Variants in YTHDC1 observed in about 807,000 individuals in gnomAD.
YTHDC1 encodes YTH domain-containing protein 1.
YTHDC1 carries 12 observed loss-of-function variants against 107.0 expected under a neutral mutation model. That is an observed-to-expected ratio of 0.11 (90% CI 0.07 to 0.18). YTHDC1 has a LOEUF of 0.18. YTHDC1 is among the 10% of genes least tolerant of loss of function. YTHDC1 has a pLI of 1.00. For missense variants in YTHDC1, 635 were observed against 898.8 expected (o/e 0.71, Z 3.75); for synonymous variants, 280 against 289.5 (o/e 0.97, Z 0.33).
At chr4:68,339,887 C>G (rs1724626255) in intron 1 of YTHDC1, among the ~76,000 whole-genome samples, 1 of 152,112 alleles carries the variant, frequency 6.6e-6, no homozygotes, top group Non-Finnish European at 1.5e-5. Context: ...CAGTTTTGTC[C>G]CCACTTCTAC....
intron 15 of YTHDC1, among the ~76,000 whole-genome samples, chr4:68,317,792 GAT>G (rs547192862): frequency 1.2e-4 from 18 of 152,142 alleles, no homozygotes; most frequent in Non-Finnish European, 2.4e-4. Flanking sequence ...CATTCACCAT[GAT>G]ATAATCAGAA....
chr4:68,338,462 G>A, intron 1 of YTHDC1, 78 bp from the exon 2 acceptor site: 2 of 1,007,432 alleles, frequency 2.0e-6, no homozygotes, highest in South Asian at 3.3e-5. Context: ...CTAAGTGTGA[G>A]GCCACAAGCG....
chr4:68,337,289 T>C lies in YTHDC1; in HGVS notation c.621A>G (p.Glu207=). 2 of 1,613,376 alleles carry C rather than the reference T, an allele frequency of 1.2e-6. No homozygotes were observed. The highest frequency in any genetic ancestry group is 2.2e-5 in the South Asian group (2 of 90,992). ...NTENEEEGVE[E]DVEEDEEVEE... is the part of the protein sequence containing the mutation. ...CTACTTCTTCATCTTCCTCCACATC[T>C]TCTTCCACTCCTTCCTCCTCATTCT... The change falls in exon 4 of 17, where the codon GAA becomes GAG. Residue 207 remains glutamate, a synonymous_variant. Coordinates refer to ENST00000344157, the MANE Select transcript of YTHDC1 (RefSeq NM_001031732.4).
At chr4:68,336,936 TCTC>T (rs1287818524) in intron 4 of YTHDC1, 88 bp downstream of exon 4, 151 of 1,465,038 alleles carry the variant, frequency 1.0e-4, no homozygotes, top group Non-Finnish European at 1.3e-4. Context: ...ATATCCCCCA[TCTC>T]CTCAACAATT....
chr4:68,327,438 T>A (rs538465460), intron 9 of YTHDC1, among the ~76,000 whole-genome samples: 6 of 152,060 alleles, frequency 3.9e-5, no homozygotes, highest in African/African-American at 1.4e-4. Context: ...CTTTATCAGC[T>A]AAAACATGAC....
At chr4:68,334,735 T>C (rs1292263527) in intron 4 of YTHDC1, among the ~76,000 whole-genome samples, 1 of 152,092 alleles carries the variant, frequency 6.6e-6, no homozygotes, top group Non-Finnish European at 1.5e-5. Flanking sequence ...TCCAAAGTAC[T>C]AAAAAGGGCC....
chr4:68,338,207 A>G, intron 2 of YTHDC1, 76 bp downstream of exon 2: 1 of 1,401,770 alleles, frequency 7.1e-7, no homozygotes, highest in South Asian at 1.3e-5. Flanking sequence ...AAAAAAGCAC[A>G]GTCATTTTTT....
At chr4:68,330,465 T>C (rs1039396204) in intron 7 of YTHDC1, among the ~76,000 whole-genome samples, 155 bp from the exon 8 acceptor site, 5 of 152,106 alleles carry the variant, frequency 3.3e-5, no homozygotes, top group African/African-American at 1.2e-4. Context: ...CAGAATAACG[T>C]AGTAATAATT....
chr4:68,318,548 T>C lies in YTHDC1; in HGVS notation c.1795A>G (p.Met599Val). 2 of 1,613,060 alleles carry C rather than the reference T, an allele frequency of 1.2e-6. No homozygotes were observed. Residue 599 changes from methionine to valine, a missense_variant, in exon 15 of 17, where the codon ATG becomes GTG. Around this residue, in one of 5 missense-constraint regions of YTHDC1, gnomAD observed 256 missense variants for 372.9 expected, o/e 0.69. Coordinates refer to ENST00000344157, the MANE Select transcript of YTHDC1 (RefSeq NM_001031732.4). Reference sequence around the variant, plus strand: ...CCTTGCCAAGGTGGTGGTGGTCCCATGTTATGAAATTCCCTCACATAATCA... The same window carrying C: ...CCTTGCCAAGGTGGTGGTGGTCCCACGTTATGAAATTCCCTCACATAATCA... ...YNDYVREFHNMGPPPPWQGMP... is the reference protein window; with the variant it reads ...YNDYVREFHNVGPPPPWQGMP...
In YTHDC1 at chr4:68,310,586, T is replaced by C. The variant is rs1361240302; in HGVS notation, c.*3513A>G. ...TTGCTTATACTCTAAGGATTCCTAT[T>C]CCTACTATAAGGAACTTGGGGACTA... On this transcript the variant is annotated 3_prime_UTR_variant, in exon 17 of 17. Transcript: ENST00000344157. 6.6e-6 allele frequency: 1 copy of C among 152,226 alleles called. No individual in the cohort carries two copies. Among genetic ancestry groups the C allele is most frequent in the Non-Finnish European group, 1.5e-5 (1 of 68,028 alleles). 9.4% of individuals were successfully genotyped at this position (152,226 alleles called of 1,614,324 possible).
At chr4:68,331,703 G>A (rs1723600656) in intron 7 of YTHDC1, among the ~76,000 whole-genome samples, 1 of 151,826 alleles carries the variant, frequency 6.6e-6, no homozygotes, top group South Asian at 2.1e-4. Context: ...ATAAAAGAAT[G>A]ATTTCAAAAG....
At chr4:68,347,656 T>C (rs889947295) in intron 1 of YTHDC1, among the ~76,000 whole-genome samples, 3 of 152,196 alleles carry the variant, frequency 2.0e-5, no homozygotes, top group African/African-American at 7.2e-5. Flanking sequence ...ATGGAATCAT[T>C]TGAGAAAGAA....
intron 1 of YTHDC1, among the ~76,000 whole-genome samples, chr4:68,346,041 G>C (rs1393922929): frequency 6.7e-6 from 1 of 150,032 alleles, no homozygotes; most frequent in East Asian, 2.0e-4. Context: ...GTGTGCACGT[G>C]ACTGTGTGCA....
intron 11 of YTHDC1, among the ~76,000 whole-genome samples, chr4:68,321,883 A>T (rs919096633): frequency 6.6e-6 from 1 of 152,206 alleles, no homozygotes; most frequent in East Asian, 1.9e-4. Flanking sequence ...GAAGGGCTTA[A>T]ATCAGTCCTT....
chr4:68,318,901 AT>A (rs148846603), intron 12 of YTHDC1, 39 bp from the exon 13 acceptor site: 5 of 1,607,100 alleles, frequency 3.1e-6, no homozygotes, highest in Middle Eastern at 3.3e-4. Flanking sequence ...TCAAATTTAT[AT>A]TTTTCTTTTA....
At position 68,312,991 on chromosome 4, in the gene YTHDC1, G is replaced by A. The variant is rs757081126; in HGVS notation, c.*1108C>T. 16 of 152,150 alleles carry A rather than the reference G, an allele frequency of 1.1e-4. No homozygotes were observed. Among genetic ancestry groups the A allele is most frequent in the Admixed American group, 2.6e-4 (4 of 15,280 alleles). 9.4% of individuals were successfully genotyped at this position (152,150 alleles called of 1,614,324 possible). On this transcript the variant is annotated 3_prime_UTR_variant, in exon 17 of 17. Coordinates refer to ENST00000344157, the MANE Select transcript of YTHDC1 (RefSeq NM_001031732.4). ...GTTAAAAGTCCATTTATGAAGTAAA[G>A]TAGAAAGCATGTACAAAGTCGTTCA...
At chr4:68,329,174 T>C (rs563687529) in intron 9 of YTHDC1, among the ~76,000 whole-genome samples, 85 of 152,224 alleles carry the variant, frequency 5.6e-4, no homozygotes, top group African/African-American at 2.0e-3. Flanking sequence ...TCTCTTTTCC[T>C]AACCATCTCC....
chr4:68,320,403 T>C (rs1417550712), intron 11 of YTHDC1, among the ~76,000 whole-genome samples, 198 bp from the exon 12 acceptor site: 2 of 152,168 alleles, frequency 1.3e-5, no homozygotes, highest in East Asian at 1.9e-4. Flanking sequence ...TTAAATGTAC[T>C]GCTGGAAGTA....
Position 68,312,333 on chromosome 4 carries a change from AG to A in YTHDC1, c.*1765del, listed in dbSNP as rs1721371243. On this transcript the variant is annotated 3_prime_UTR_variant, in exon 17 of 17. Transcript: ENST00000344157. Reference sequence around the variant, plus strand: ...GCTCAGTATTTATTCCTATTATTTCAGGAAAATACCTTTAATATTACCTACC... The same window carrying A: ...GCTCAGTATTTATTCCTATTATTTCAGAAAATACCTTTAATATTACCTACC... 1.3e-5 allele frequency: 2 copies of A among 152,314 alleles called. No homozygotes were observed. Among genetic ancestry groups the A allele is most frequent in the East Asian group, 3.9e-4 (2 of 5,190 alleles). The allele number at this position is 152,314 out of a possible 1,614,324, so 9.4% of individuals were successfully genotyped here. A position where few individuals can be genotyped will look rare whatever the true frequency, so the allele number is the denominator to read the frequency against.
Sources: gnomAD v4.1 joint callset for allele counts (sites outside exome capture counted in the v4.1 genomes callset) on GRCh38, gnomAD v4.1.1 for gene constraint, gnomAD v4.1.1 regional missense constraint, MANE v1.5 for transcripts, NCBI Gene and HGNC (gene_info 2026-07-23, HGNC 2026-07-21) for gene names.